The following PDE4DIP variants were observed in gnomAD, a reference collection of about 807,000 sequenced individuals.
PDE4DIP encodes myomegalin.
Under a neutral mutation model 221.4 loss-of-function variants are expected in PDE4DIP, and 59 were observed. That is an observed-to-expected ratio of 0.27 (90% CI 0.22 to 0.33). PDE4DIP has a LOEUF of 0.33. Among genes scored for constraint, PDE4DIP ranks in the 10% least tolerant of loss-of-function variants. PDE4DIP has a pLI of 1.00. For synonymous variants in PDE4DIP, 404 were observed against 815.9 expected (o/e 0.50, Z 8.60); for missense variants, 1,036 against 2,154.2 (o/e 0.48, Z 10.28).
At chr1:148,919,627 C>T (rs1247415982) in intron 1 of PDE4DIP, among the ~76,000 whole-genome samples, 1 of 151,804 alleles carries the variant, frequency 6.6e-6, no homozygotes, top group Non-Finnish European at 1.5e-5. Context: ...ACTCTGCATA[C>T]AAAAAATTCG....
intron 30 of PDE4DIP, among the ~76,000 whole-genome samples, 186 bp from the exon 34 acceptor site, chr1:149,010,256 CT>C (rs1553603898): frequency 3.3e-5 from 5 of 152,082 alleles, no homozygotes; most frequent in Admixed American, 2.6e-4. Flanking sequence ...GCTGTCATCC[CT>C]AAGGTGGTTT....
At chr1:148,984,482 A>G (rs782801408) in intron 21 of PDE4DIP, 11 of 151,608 alleles carry the variant, frequency 7.3e-5, no homozygotes, top group East Asian at 1.9e-4. Flanking sequence ...AGTATATTCT[A>G]TTTACACAGT....
rs71582768 is a variant in PDE4DIP, at chr1:149,013,781, C to CTTTTTTTT, written c.5266+1022_5266+1029dup. ...CCAGCATATTTCTTTCCTTCTTCCT[C>CTTTTTTTT]TTTTTTTTTTTTTTTTTTTTTTTTG... is the stretch of plus-strand genomic sequence containing the variant. On this transcript the variant is annotated intron_variant, in intron 32 of 43. Coordinates refer to ENST00000369354, the Ensembl canonical transcript of PDE4DIP. Among the ~76,000 whole-genome samples, 4 of 31,942 alleles carry CTTTTTTTT rather than the reference C, an allele frequency of 1.3e-4. 1 individual carries two copies. The highest frequency in any genetic ancestry group is 1.5e-4 in the Non-Finnish European group (3 of 19,612). The allele number at this position is 31,942 out of a possible 152,430, so 21.0% of individuals were successfully genotyped here. A position where few individuals can be genotyped will look rare whatever the true frequency, so the allele number is the denominator to read the frequency against.
rs587598791 is a variant in PDE4DIP, at chr1:148,981,010, G to A, written c.2688-260G>A. ...CTATAGGGGTGTGAGATAAGTCTTA[G>A]GAGCTATAATTTTATGTGAAATTGG... On this transcript the variant is annotated intron_variant, in intron 20 of 43. Coordinates refer to ENST00000369354, the Ensembl canonical transcript of PDE4DIP. Among the ~76,000 whole-genome samples the A allele has an allele frequency of 5.9e-5, 9 of 152,268 alleles. No homozygotes were observed. In the East Asian group the frequency reaches 1.7e-3, roughly 29 times the overall value.
intron 9 of PDE4DIP, among the ~76,000 whole-genome samples, chr1:148,963,817 G>T (rs1277924989): frequency 2.6e-5 from 3 of 113,714 alleles, no homozygotes; most frequent in African/African-American, 3.5e-5. Flanking sequence ...ACAGTGGCGC[G>T]ATCTCGGCTC....
chr1:148,954,196 A>G (rs1317630243), intron 5 of PDE4DIP, among the ~76,000 whole-genome samples: 1 of 152,184 alleles, frequency 6.6e-6, no homozygotes, highest in African/African-American at 2.4e-5. Flanking sequence ...TCCTATAAAA[A>G]GAAGACATTT....
At chr1:149,017,771 C>T (rs781959007) in exon 34 of PDE4DIP, 1 of 1,605,360 alleles carries the variant, frequency 6.2e-7, no homozygotes, top group Non-Finnish European at 8.5e-7. Context: ...GGAAGAGCAT[C>T]TTGGTGAAAT....
Position 149,024,292 on chromosome 1 carries a change from C to G in PDE4DIP, c.6086-153C>G, listed in dbSNP as rs1389345932. ...TGCCAGCTCAGTGCCATCCCCAGGCCACACACAGAAATGGTGACATCTCCA... is the reference window on the plus strand; with the variant it reads ...TGCCAGCTCAGTGCCATCCCCAGGCGACACACAGAAATGGTGACATCTCCA... On this transcript the variant is annotated intron_variant, in intron 37 of 43. Coordinates refer to ENST00000369354, the Ensembl canonical transcript of PDE4DIP. 7.1e-5 allele frequency: 49 copies of G among 690,346 alleles called. No individual in the cohort carries two copies. The Middle Eastern group carries it at 1.7e-3, about 24-fold the overall frequency. 42.8% of individuals were successfully genotyped at this position (690,346 alleles called of 1,614,324 possible). A position where few individuals can be genotyped will look rare whatever the true frequency, so the allele number is the denominator to read the frequency against.
intron 13 of PDE4DIP, 137 bp from the exon 17 acceptor site, chr1:148,968,699 C>T: frequency 1.6e-6 from 1 of 617,894 alleles, no homozygotes; most frequent in Non-Finnish European, 2.8e-6. Flanking sequence ...TCTGGTAAAA[C>T]AAAAATGAGT....
intron 5 of PDE4DIP, among the ~76,000 whole-genome samples, chr1:148,939,110 A>G (rs2150895615): frequency 8.4e-6 from 1 of 119,122 alleles, no homozygotes; most frequent in Non-Finnish European, 1.7e-5. Context: ...GTAAAAAATA[A>G]TTGCATTGAT....
At chr1:148,844,502 G>C in intron 1 of PDE4DIP, 1 of 112,626 alleles carries the variant, frequency 8.9e-6, no homozygotes, top group African/African-American at 3.5e-5. Flanking sequence ...AAACAGCCCC[G>C]GGCGCCGCGC....
At chr1:149,032,061 CCCCTTT>C in exon 44 of PDE4DIP, 1 of 1,610,126 alleles carries the variant, frequency 6.2e-7, no homozygotes, top group Non-Finnish European at 8.5e-7. Flanking sequence ...TGGGCCTGTC[CCCCTTT>C]TGTGCAGCTA....
rs797035567 is a variant in PDE4DIP, at chr1:149,023,912, T to TAC, written c.6086-519_6086-518dup. 2.0e-3 allele frequency among the ~76,000 whole-genome samples: 293 copies of TAC among 150,158 alleles called. 1 individual carries two copies. The highest frequency in any genetic ancestry group is 7.6e-3 in the South Asian group (36 of 4,728). ...CACTATATGTAGGTGTATATATATGTACACACACACACACATATATATAGA... is the reference window on the plus strand; with the variant it reads ...CACTATATGTAGGTGTATATATATGTACACACACACACACACATATATATAGA... On this transcript the variant is annotated intron_variant, in intron 37 of 43. Coordinates refer to ENST00000369354, the Ensembl canonical transcript of PDE4DIP.
In PDE4DIP at chr1:149,031,860, C is replaced by A. The variant is rs587627668; in HGVS notation, c.7000-84C>A. 27 of 1,345,074 alleles carry A rather than the reference C, an allele frequency of 2.0e-5. No individual in the cohort carries two copies. The African/African-American group carries it at 2.9e-4, about 14-fold the overall frequency. The allele number at this position is 1,345,074 out of a possible 1,614,324, so 83.3% of individuals were successfully genotyped here. A position where few individuals can be genotyped will look rare whatever the true frequency, so the allele number is the denominator to read the frequency against. ...ACCGTGCTCCTGGCTTTGGTCACCA[C>A]GTAGCTCTCACTCCAGCTTCAGGTA... On this transcript the variant is annotated intron_variant, in intron 43 of 43. Transcript: ENST00000369354.
rs587684675 is a variant in PDE4DIP, at chr1:149,032,101, G to A, written c.*116G>A. On this transcript the variant is annotated 3_prime_UTR_variant, in exon 44 of 44. Coordinates refer to ENST00000369354, the Ensembl canonical transcript of PDE4DIP. ...TACCTATCTGCTGAGGAGCATCTGGGCCTCATTCCTCCAAGTCCACGGGAG... is the reference window on the plus strand; with the variant it reads ...TACCTATCTGCTGAGGAGCATCTGGACCTCATTCCTCCAAGTCCACGGGAG... 385 of 1,593,652 alleles carry A rather than the reference G, an allele frequency of 2.4e-4. No homozygotes were observed. In the Middle Eastern group the frequency reaches 2.7e-3, roughly 11 times the overall value.
chr1:148,971,164 G>T (rs1448705449), intron 14 of PDE4DIP, among the ~76,000 whole-genome samples: 10 of 151,892 alleles, frequency 6.6e-5, no homozygotes, highest in African/African-American at 1.9e-4. Context: ...TGAGTTGGGT[G>T]ATTTTGAGGT....
intron 1 of PDE4DIP, among the ~76,000 whole-genome samples, chr1:148,906,078 TTGTC>T (rs2041749696): frequency 6.7e-6 from 1 of 149,478 alleles, no homozygotes; most frequent in Non-Finnish European, 1.5e-5. Flanking sequence ...TGACCTTTGA[TTGTC>T]TGTTTGTGCT....
exon 32 of PDE4DIP, chr1:149,012,713 C>G (rs1388244926): frequency 7.4e-6 from 12 of 1,613,616 alleles, no homozygotes; most frequent in Admixed American, 1.7e-5. Context: ...CTGTGAGACA[C>G]CAGTGGTCTC....
intron 1 of PDE4DIP, among the ~76,000 whole-genome samples, chr1:148,922,726 T>C (rs1205241146): frequency 6.7e-6 from 1 of 149,628 alleles, no homozygotes; most frequent in Non-Finnish European, 1.5e-5. Flanking sequence ...TAGCTGGGAC[T>C]ACAGGTGCCC....
Sources: allele counts gnomAD v4.1 joint callset (sites outside exome capture counted in the v4.1 genomes callset), GRCh38; gene constraint gnomAD v4.1.1; transcripts MANE v1.5; gene names NCBI Gene and HGNC (gene_info 2026-07-23, HGNC 2026-07-21).